Variants in AOX1 observed in about 807,000 individuals in gnomAD.
The protein encoded by AOX1 is aldehyde oxidase 1.
AOX1 carries 153 observed loss-of-function variants against 169.5 expected under a neutral mutation model. The observed-to-expected ratio is 0.90, with a 90% CI of 0.79 to 1.03. AOX1 has a LOEUF of 1.03. Among genes scored for constraint, AOX1 ranks in the 50% least tolerant of loss-of-function variants. AOX1 has a pLI of 0.00. For synonymous variants in AOX1, 562 were observed against 581.9 expected (o/e 0.97, Z 0.49); for missense variants, 1,656 against 1,663.9 (o/e 1.00, Z 0.08).
chr2:200,678,887 T>G (rs1479727902), downstream of AOX1, among the ~76,000 whole-genome samples: 1 of 152,218 alleles, frequency 6.6e-6, no homozygotes, highest in African/African-American at 2.4e-5. Context: ...ATGACTTGCC[T>G]TCCAGTTGGT....
At chr2:200,627,579 C>A in intron 20 of AOX1, 130 bp downstream of exon 20, 1 of 639,790 alleles carries the variant, frequency 1.6e-6, no homozygotes, top group Non-Finnish European at 2.7e-6. Flanking sequence ...GCAGAACAGG[C>A]ACCTCATTCA....
In AOX1 at chr2:200,595,354, C is replaced by T. The variant is rs534237522; in HGVS notation, c.186C>T (p.Ile62=). 6.2e-7 allele frequency: 1 copy of T among 1,612,342 alleles called. No individual in the cohort carries two copies. Among genetic ancestry groups the T allele is most frequent in the South Asian group, 1.1e-5 (1 of 90,926 alleles). The part of the protein sequence containing the change: ...CTVMISRYNP[I]TKRIRHHPAN... ...TGATGATATCACGATACAACCCCAT[C>T]ACCAAGAGGATAAGGTACCGTGCAG... is the stretch of plus-strand genomic sequence containing the variant. Residue 62 remains isoleucine, a synonymous_variant, in exon 3 of 35, where the codon ATC becomes ATT. Coordinates refer to ENST00000374700, the MANE Select transcript of AOX1 (RefSeq NM_001159.4).
chr2:200,657,165 A>AATATATATATATATATATATATAT (rs1553578034), intron 27 of AOX1, among the ~76,000 whole-genome samples: 3 of 88,402 alleles, frequency 3.4e-5, no homozygotes, highest in African/African-American at 5.2e-5. Context: ...CTCTACCAAA[A>AATATATATATATATATATATATAT]ATATATATAT....
intron 6 of AOX1, 53 bp downstream of exon 6, chr2:200,602,398 G>A: frequency 2.0e-6 from 3 of 1,513,902 alleles, no homozygotes; most frequent in Non-Finnish European, 2.7e-6. Flanking sequence ...GAAACGAAAT[G>A]GTAATGGTTG....
intron 19 of AOX1, among the ~76,000 whole-genome samples, chr2:200,626,515 T>G (rs1007187125): frequency 4.6e-5 from 7 of 152,248 alleles, no homozygotes; most frequent in African/African-American, 1.7e-4. Flanking sequence ...TTCTCAGGGA[T>G]AGCTAAAAAC....
At chr2:200,640,823 C>T (rs950752230) in intron 23 of AOX1, among the ~76,000 whole-genome samples, 2 of 152,056 alleles carry the variant, frequency 1.3e-5, no homozygotes, top group South Asian at 4.1e-4. Flanking sequence ...ATACTACTTA[C>T]GATACTATTA....
intron 2 of AOX1, among the ~76,000 whole-genome samples, chr2:200,594,305 G>A (rs571285364): frequency 6.6e-6 from 1 of 152,254 alleles, no homozygotes; most frequent in East Asian, 1.9e-4. Flanking sequence ...TGGGAAGCAT[G>A]GTCTTAATGA....
At chr2:200,679,348 T>C (rs1446321599), downstream of AOX1, 1 of 152,190 alleles carries the variant, frequency 6.6e-6, no homozygotes, top group Non-Finnish European at 1.5e-5. Flanking sequence ...GGTGCCCGCC[T>C]CCTTTTTCTG....
intron 23 of AOX1, among the ~76,000 whole-genome samples, chr2:200,639,108 C>CTA (rs2035300115): frequency 6.6e-6 from 1 of 152,192 alleles, no homozygotes; most frequent in African/African-American, 2.4e-5. Flanking sequence ...GTCGTATTAG[C>CTA]TATATTCCAA....
In AOX1 at chr2:200,668,682, G is replaced by A. The variant is rs761846442; in HGVS notation, c.3677G>A (p.Gly1226Asp). 3 of 1,614,078 alleles carry A rather than the reference G, an allele frequency of 1.9e-6. No individual in the cohort carries two copies. The South Asian group carries it at 3.3e-5, about 18-fold the overall frequency. Residue 1226 changes from glycine (G) to aspartate (D), a missense_variant, in exon 33 of 35, where the codon GGC (glycine) becomes GAC (aspartate). Physicochemically the swap from Gly to Asp is moderately conservative, Grantham distance 94. Coordinates refer to ENST00000374700, the MANE Select transcript of AOX1 (RefSeq NM_001159.4). ...TIEELNYSPQ[G>D]ILHTRGPDQY... Reference sequence around the variant, plus strand: ...GAGGAACTGAATTATTCTCCCCAGGGCATTCTGCACACTCGTGGTCCAGAC... The same window carrying A: ...GAGGAACTGAATTATTCTCCCCAGGACATTCTGCACACTCGTGGTCCAGAC...
chr2:200,632,275 G>A (rs900154916), intron 20 of AOX1, among the ~76,000 whole-genome samples: 6 of 150,404 alleles, frequency 4.0e-5, no homozygotes, highest in Admixed American at 3.3e-4. Flanking sequence ...TTTTTTTAGT[G>A]GTAGCTCTAG....
At chr2:200,677,806 T>A (rs574842494), downstream of AOX1, among the ~76,000 whole-genome samples, 1 of 152,320 alleles carries the variant, frequency 6.6e-6, no homozygotes, top group East Asian at 1.9e-4. Flanking sequence ...CAGCCCAATA[T>A]CCTTGTTTTT....
intron 26 of AOX1, among the ~76,000 whole-genome samples, chr2:200,651,985 C>T (rs140919077): frequency 6.6e-6 from 1 of 152,226 alleles, no homozygotes; most frequent in Non-Finnish European, 1.5e-5. Context: ...TGGGAGGACC[C>T]TCACAATTGT....
chr2:200,664,899 T>C (rs2035897642), intron 31 of AOX1, among the ~76,000 whole-genome samples: 4 of 152,202 alleles, frequency 2.6e-5, no homozygotes, highest in Admixed American at 2.6e-4. Context: ...GGGGCTGGCC[T>C]CCGGGAGTGG....
intron 1 of AOX1, among the ~76,000 whole-genome samples, chr2:200,587,038 A>G (rs1220455367): frequency 6.6e-6 from 1 of 151,760 alleles, no homozygotes; most frequent in Non-Finnish European, 1.5e-5. Context: ...AGACCGAGGC[A>G]GGAGGATTGC....
chr2:200,624,097 C>T (rs148040218), intron 19 of AOX1, 114 bp downstream of exon 19: 17 of 1,294,674 alleles, frequency 1.3e-5, no homozygotes, highest in Non-Finnish European at 1.9e-5. Flanking sequence ...CCAAAGCACA[C>T]GGACTTTATT....
At chr2:200,600,390 T>C (rs2034385663) in intron 5 of AOX1, among the ~76,000 whole-genome samples, 1 of 152,170 alleles carries the variant, frequency 6.6e-6, no homozygotes, top group Admixed American at 6.5e-5. Context: ...TGAGATCTTA[T>C]GGTGAAACTT....
chr2:200,587,363 C>T (rs1200597520), intron 1 of AOX1, among the ~76,000 whole-genome samples: 2 of 152,120 alleles, frequency 1.3e-5, no homozygotes, highest in Non-Finnish European at 2.9e-5. Context: ...CGTGTTGGTG[C>T]CGGTTCATTC....
intron 25 of AOX1, among the ~76,000 whole-genome samples, chr2:200,643,598 G>C (rs2035398503): frequency 6.6e-6 from 1 of 152,030 alleles, no homozygotes; most frequent in Admixed American, 6.5e-5. Context: ...TGGGTCAAAT[G>C]GTACTTCTAC....
Sources: gnomAD v4.1 joint callset for allele counts (sites outside exome capture counted in the v4.1 genomes callset) on GRCh38, gnomAD v4.1.1 for gene constraint, MANE v1.5 for transcripts, NCBI Gene and HGNC (gene_info 2026-07-23, HGNC 2026-07-21) for gene names.